Variants in POLR2B observed in about 807,000 individuals in gnomAD.
The protein encoded by POLR2B is RNA polymerase II subunit B, also known as DNA-directed RNA polymerase II subunit RPB2.
Under a neutral mutation model 144.6 loss-of-function variants are expected in POLR2B, and 57 were observed. The ratio of observed to expected loss-of-function variants is 0.39; its 90% CI spans 0.32 to 0.49. POLR2B has a LOEUF of 0.49. POLR2B is among the 20% of genes least tolerant of loss of function. The probability of loss-of-function intolerance (pLI) is 0.83; values close to 1 mark genes in which losing one functional copy is unlikely to be tolerated. For synonymous variants in POLR2B, 442 were observed against 469.8 expected, an observed-to-expected ratio of 0.94 and a Z score of 0.77; for missense variants, 595 against 1,467.4, an observed-to-expected ratio of 0.41 and a Z score of 9.71.
At chr4:57,024,611 G>A (rs867363829) in intron 21 of POLR2B, among the ~76,000 whole-genome samples, 4 of 152,012 alleles carry the variant, frequency 2.6e-5, no homozygotes, top group African/African-American at 4.8e-5. Context: ...CCCATGGATC[G>A]ACTTCTATTT....
chr4:57,014,083 TG>T (rs1723287276), intron 13 of POLR2B, among the ~76,000 whole-genome samples: 1 of 152,254 alleles, frequency 6.6e-6, no homozygotes, highest in Non-Finnish European at 1.5e-5. Context: ...ATGATATTTT[TG>T]CTCACAGTGT....
intron 10 of POLR2B, chr4:57,009,787 G>A (rs1723133634): frequency 6.6e-6 from 1 of 152,104 alleles, no homozygotes; most frequent in African/African-American, 2.4e-5. Flanking sequence ...GGGGGAAGAT[G>A]GAGATTTATA....
chr4:56,980,381 G>T (rs552730133), intron 1 of POLR2B, among the ~76,000 whole-genome samples: 1 of 152,122 alleles, frequency 6.6e-6, no homozygotes, highest in African/African-American at 2.4e-5. Context: ...ATAATTTTTG[G>T]CTGGGTAATA....
chr4:56,994,331 AT>A, intron 3 of POLR2B, 72 bp from the exon 4 acceptor site: 1 of 767,584 alleles, frequency 1.3e-6, no homozygotes, highest in Non-Finnish European at 2.2e-6. Flanking sequence ...GTTAATGTCA[AT>A]TAAAATGGAA....
Position 56,982,132 on chromosome 4 carries a change from T to G in POLR2B, c.19+3128T>G, listed in dbSNP as rs577539488. Reference sequence around the variant, plus strand: ...GAATGTGTATACTTCTAGTTTAAAATCTGGGGTATCTAACTGCCACTAGCC... The same window carrying G: ...GAATGTGTATACTTCTAGTTTAAAAGCTGGGGTATCTAACTGCCACTAGCC... On this transcript the variant is annotated intron_variant, in intron 1 of 24. Transcript: ENST00000314595. 3.5e-4 allele frequency among the ~76,000 whole-genome samples: 53 copies of G among 152,328 alleles called. No homozygotes were observed. In the South Asian group the frequency reaches 9.7e-3, roughly 28 times the overall value.
chr4:57,026,375 C>T (rs1214135382), intron 23 of POLR2B, among the ~76,000 whole-genome samples: 1 of 152,098 alleles, frequency 6.6e-6, no homozygotes, highest in Non-Finnish European at 1.5e-5. Flanking sequence ...TGCACCCAGC[C>T]CTCTTGATTA....
At chr4:57,018,587 T>C (rs992539812) in intron 16 of POLR2B, among the ~76,000 whole-genome samples, 1 of 152,100 alleles carries the variant, frequency 6.6e-6, no homozygotes, top group African/African-American at 2.4e-5. Flanking sequence ...AATTTTGTTT[T>C]GGATATGTTG....
intron 8 of POLR2B, 67 bp from the exon 9 acceptor site, chr4:57,005,533 T>C (rs1455651063): frequency 2.6e-5 from 40 of 1,526,662 alleles, no homozygotes; most frequent in Non-Finnish European, 3.5e-5. Context: ...TTTTAACATA[T>C]AAATCAAAAA....
intron 7 of POLR2B, chr4:57,002,547 A>T (rs562711700): frequency 2.0e-5 from 3 of 151,928 alleles, no homozygotes; most frequent in South Asian, 4.2e-4. Flanking sequence ...TAACAAAATC[A>T]TTTTTTTTAA....
At chr4:56,996,274 A>ATTTTTTTTT (rs1447493379) in intron 6 of POLR2B, among the ~76,000 whole-genome samples, 1 of 86,984 alleles carries the variant, frequency 1.1e-5, no homozygotes, top group African/African-American at 4.3e-5. Flanking sequence ...ATATATATAT[A>ATTTTTTTTT]TATATTTTTT....
At position 56,999,654 on chromosome 4, in the gene POLR2B, C is replaced by T; in HGVS notation, c.773C>T (p.Ala258Val). 1 of 1,612,070 alleles carries T rather than the reference C, an allele frequency of 6.2e-7. No homozygotes were observed. ...AGTGCTATTGGTCAGCGCATTGTGG[C>T]AACTCTACCATATATCAAGCAAGAA... Reference protein sequence around the residue: ...KKSAIGQRIVATLPYIKQEVP... With the variant: ...KKSAIGQRIVVTLPYIKQEVP... The change falls in exon 7 of 25, where the codon GCA becomes GTA. Residue 258 changes from alanine to valine, a missense_variant. Ala to Val is a moderately conservative substitution (Grantham distance 64). This residue lies in a region of POLR2B where 251 missense variants were observed against 567.3 expected (regional missense o/e 0.44). Transcript: ENST00000314595.
At chr4:57,012,165 G>A (rs1425643585) in intron 13 of POLR2B, among the ~76,000 whole-genome samples, 1 of 152,166 alleles carries the variant, frequency 6.6e-6, no homozygotes, top group African/African-American at 2.4e-5. Flanking sequence ...AGCACTTTGG[G>A]AAGTTGAGGC....
intron 1 of POLR2B, among the ~76,000 whole-genome samples, chr4:56,981,751 C>G (rs989041729): frequency 2.6e-5 from 4 of 152,236 alleles, no homozygotes; most frequent in African/African-American, 9.6e-5. Flanking sequence ...TTCTTTCACT[C>G]ACAGCCAAAC....
intron 23 of POLR2B, among the ~76,000 whole-genome samples, chr4:57,027,448 GGCAT>G (rs1470428192): frequency 1.3e-5 from 2 of 152,080 alleles, no homozygotes; most frequent in Non-Finnish European, 2.9e-5. Flanking sequence ...TGGGACTACA[GGCAT>G]GCACCACCAA....
intron 7 of POLR2B, 28 bp downstream of exon 7, chr4:56,999,809 G>T: frequency 6.7e-7 from 1 of 1,498,422 alleles, no homozygotes; most frequent in Non-Finnish European, 9.3e-7. Flanking sequence ...TGTATTCACA[G>T]AGCTTTATAA....
At chr4:57,014,484 C>G (rs976214347) in intron 13 of POLR2B, among the ~76,000 whole-genome samples, 5 of 148,322 alleles carry the variant, frequency 3.4e-5, no homozygotes, top group Non-Finnish European at 7.4e-5. Flanking sequence ...CATGAGCCAC[C>G]GTGCCTGGTC....
chr4:57,020,989 T>G lies in POLR2B; in HGVS notation c.2414T>G (p.Phe805Cys), dbSNP rs1269427260. 4.5e-6 allele frequency: 7 copies of G among 1,558,016 alleles called. No homozygotes were observed. The highest frequency in any genetic ancestry group is 1.4e-5 in the African/African-American group (1 of 73,898). ...IMNRSAVDRGFFRSVFYRSYK... is the reference protein window; with the variant it reads ...IMNRSAVDRGCFRSVFYRSYK... The stretch of plus-strand genomic sequence containing the variant: ...AATCGTTCAGCTGTAGACCGCGGCT[T>G]CTTCAGGTTAGTATTTTGTAAATTT... Residue 805 changes from phenylalanine to cysteine, a missense_variant, in exon 17 of 25, where the codon TTC (phenylalanine) becomes TGC (cysteine). This residue lies in a region of POLR2B where 39 missense variants were observed against 174.3 expected (regional missense o/e 0.22). Coordinates refer to ENST00000314595, the MANE Select transcript of POLR2B (RefSeq NM_000938.3).
At chr4:56,980,022 A>G (rs1487742833) in intron 1 of POLR2B, among the ~76,000 whole-genome samples, 1 of 151,106 alleles carries the variant, frequency 6.6e-6, no homozygotes, top group East Asian at 1.9e-4. Context: ...CACCCCCTAC[A>G]TCTCCTCTCT....
chr4:57,005,490 G>A (rs772629368), intron 8 of POLR2B, 48 bp downstream of exon 8: 1 of 1,491,190 alleles, frequency 6.7e-7, no homozygotes. Flanking sequence ...ATACAGTTGA[G>A]ATAAAGGTTT....
Sources: allele counts gnomAD v4.1 joint callset (sites outside exome capture counted in the v4.1 genomes callset), GRCh38; gene constraint gnomAD v4.1.1; regional missense constraint gnomAD v4.1.1; transcripts MANE v1.5; gene names NCBI Gene and HGNC (gene_info 2026-07-23, HGNC 2026-07-21).